Variants in UTS2B observed in about 807,000 individuals in gnomAD.
The protein encoded by UTS2B is urotensin-2B.
UTS2B carries 21 observed loss-of-function variants against 19.2 expected under a neutral mutation model. The observed-to-expected ratio is 1.09, with a 90% confidence interval of 0.78 to 1.58. UTS2B has a LOEUF of 1.58. Among genes scored for constraint, UTS2B ranks in the 40% most tolerant of loss-of-function variants. UTS2B has a pLI of 0.00. For missense variants in UTS2B, 138 were observed against 130.3 expected, an observed-to-expected ratio of 1.06 and a Z score of -0.29; for synonymous variants, 57 against 50.2, an observed-to-expected ratio of 1.14 and a Z score of -0.58.
chr3:191,331,054 T>G (rs996360923), upstream of UTS2B, among the ~76,000 whole-genome samples: 7 of 152,216 alleles, frequency 4.6e-5, no homozygotes, highest in African/African-American at 1.7e-4. Flanking sequence ...GGCTGAGCGA[T>G]AGGAAAGGCG....
the UTS2B span, among the ~76,000 whole-genome samples, chr3:191,338,077 AT>A: frequency 6.6e-6 from 1 of 152,006 alleles, no homozygotes; most frequent in Non-Finnish European, 1.5e-5. Context: ...AGGCTTAGTC[AT>A]TTTCCATTAA....
intron 6 of UTS2B, 42 bp downstream of exon 6, chr3:191,278,030 T>C (rs1366608680): frequency 1.9e-6 from 2 of 1,066,604 alleles, no homozygotes; most frequent in East Asian, 2.8e-5. Flanking sequence ...AAATAAATTG[T>C]TATTTTTTAA....
At chr3:191,336,536 G>T in the UTS2B span, among the ~76,000 whole-genome samples, 2 of 151,754 alleles carry the variant, frequency 1.3e-5, no homozygotes, top group African/African-American at 2.4e-5. Context: ...TATTGAATTT[G>T]GGAGTTCTTT....
the UTS2B span, among the ~76,000 whole-genome samples, chr3:191,339,628 C>T: frequency 6.6e-6 from 1 of 152,174 alleles, no homozygotes; most frequent in East Asian, 1.9e-4. Context: ...ATTTGGTGAT[C>T]TTCAAGAAGC....
chr3:191,322,202 A>G (rs1434950188), intron 2 of UTS2B, among the ~76,000 whole-genome samples: 1 of 152,148 alleles, frequency 6.6e-6, no homozygotes, highest in East Asian at 1.9e-4. Flanking sequence ...GCCCATAACT[A>G]TTTCCAATAA....
the UTS2B span, among the ~76,000 whole-genome samples, chr3:191,341,159 G>A: frequency 6.6e-6 from 1 of 152,160 alleles, no homozygotes; most frequent in African/African-American, 2.4e-5. Flanking sequence ...TACTAGACAA[G>A]TGACTAGATC....
chr3:191,344,609 C>G, the UTS2B span, among the ~76,000 whole-genome samples: 1 of 152,172 alleles, frequency 6.6e-6, no homozygotes. Flanking sequence ...GACGGAGTCT[C>G]GCTCTGTCAC....
intron 4 of UTS2B, among the ~76,000 whole-genome samples, chr3:191,284,180 T>G (rs1186685669): frequency 7.3e-6 from 1 of 136,340 alleles, no homozygotes; most frequent in Non-Finnish European, 1.6e-5. Context: ...AAATTAAGTA[T>G]AAATAAGATT....
At chr3:191,316,479 G>A (rs1163085695) in intron 2 of UTS2B, 40 bp from the exon 3 acceptor site, 2 of 152,310 alleles carry the variant, frequency 1.3e-5, no homozygotes, top group African/African-American at 2.4e-5. Flanking sequence ...CAGTGTGAAA[G>A]TCACTCCAGC....
upstream of UTS2B, among the ~76,000 whole-genome samples, chr3:191,334,294 G>A (rs942794929): frequency 7.2e-5 from 11 of 152,156 alleles, no homozygotes; most frequent in African/African-American, 2.6e-4. Flanking sequence ...TTCACAAAAG[G>A]GAAGAAAATA....
At chr3:191,327,413 C>T (rs1717772920) in intron 2 of UTS2B, among the ~76,000 whole-genome samples, 1 of 152,170 alleles carries the variant, frequency 6.6e-6, no homozygotes, top group Non-Finnish European at 1.5e-5. Context: ...ACGAGAATCA[C>T]TGGAACCTGG....
chr3:191,339,295 A>C, the UTS2B span, among the ~76,000 whole-genome samples: 1 of 152,212 alleles, frequency 6.6e-6, no homozygotes, highest in African/African-American at 2.4e-5. Flanking sequence ...TTAGAAGTTA[A>C]CACTGGTTAA....
At chr3:191,274,905 A>G (rs1210311134) in intron 8 of UTS2B, among the ~76,000 whole-genome samples, 1 of 152,238 alleles carries the variant, frequency 6.6e-6, no homozygotes, top group African/African-American at 2.4e-5. Context: ...TTATGTCAGA[A>G]TAGATTCTAT....
At chr3:191,274,264 T>G (rs1047827752) in intron 8 of UTS2B, among the ~76,000 whole-genome samples, 2 of 152,216 alleles carry the variant, frequency 1.3e-5, no homozygotes, top group African/African-American at 4.8e-5. Context: ...AAAAGTCATA[T>G]TAATAGCTAT....
In UTS2B at chr3:191,275,394, C is replaced by A. The variant is rs146977588; in HGVS notation, c.241-49G>T. 8.5e-4 allele frequency: 1,294 copies of A among 1,515,200 alleles called. 7 individuals are homozygous for A. The African/African-American group carries it at 0.015, about 18-fold the overall frequency. 93.9% of individuals were successfully genotyped at this position (1,515,200 alleles called of 1,614,324 possible). On this transcript the variant is annotated intron_variant, in intron 7 of 8. Coordinates refer to ENST00000340524, the MANE Select transcript of UTS2B (RefSeq NM_198152.5). Reference sequence around the variant, plus strand: ...TTAATTGGTCTTCTATAAAACCATGCTGTTGACCGGGCGCGGTGGCTTATG... The same window carrying A: ...TTAATTGGTCTTCTATAAAACCATGATGTTGACCGGGCGCGGTGGCTTATG...
In UTS2B at chr3:191,329,493, C is replaced by T. The variant is rs897248714; in HGVS notation, c.-664-784G>A. The stretch of plus-strand genomic sequence containing the variant: ...GCCGCCAGCTTGGTGCCTCGGGGAC[C>T]GTCTCCCGCTGCTTTGGTCACCAGC... On this transcript the variant is annotated intron_variant, in intron 1 of 8. Transcript: ENST00000340524. 7.6e-6 allele frequency: 4 copies of T among 527,640 alleles called. No homozygotes were observed. In the East Asian group the frequency reaches 1.1e-4, roughly 15 times the overall value. The allele number at this position is 527,640 out of a possible 1,614,324, so 32.7% of individuals were successfully genotyped here.
intron 4 of UTS2B, among the ~76,000 whole-genome samples, chr3:191,291,345 G>A (rs1315399121): frequency 3.9e-5 from 6 of 152,034 alleles, no homozygotes; most frequent in Non-Finnish European, 7.4e-5. Flanking sequence ...TGTGTTTCTT[G>A]TTTTTGAGTA....
intron 4 of UTS2B, among the ~76,000 whole-genome samples, chr3:191,297,648 G>C (rs987215143): frequency 1.3e-5 from 2 of 152,078 alleles, no homozygotes; most frequent in African/African-American, 4.8e-5. Context: ...CTGAGGACAA[G>C]GATAGTAATG....
At chr3:191,323,461 G>T (rs778928063) in intron 2 of UTS2B, among the ~76,000 whole-genome samples, 2 of 152,086 alleles carry the variant, frequency 1.3e-5, no homozygotes, top group African/African-American at 4.8e-5. Context: ...GAGCTATCGC[G>T]CCTGACCTCA....
Sources: allele counts gnomAD v4.1 joint callset (sites outside exome capture counted in the v4.1 genomes callset), GRCh38; gene constraint gnomAD v4.1.1; transcripts MANE v1.5; gene names NCBI Gene and HGNC (gene_info 2026-07-23, HGNC 2026-07-21).